Variants in COL1A1 observed in about 807,000 individuals in gnomAD.
The protein encoded by COL1A1 is collagen type I alpha 1 chain, also known as collagen alpha-1(I) chain.
In COL1A1, 21 loss-of-function variants were observed where a neutral mutation model predicts 195.7. The observed-to-expected ratio is 0.11, with a 90% CI of 0.08 to 0.15. The LOEUF (loss-of-function observed/expected upper bound fraction) is 0.15, where lower values mean the gene tolerates loss of function less well. Ranked by LOEUF, COL1A1 falls within the 10% of genes least tolerant of loss-of-function variation. COL1A1 has a pLI of 1.00. For missense variants in COL1A1, 1,365 were observed against 2,051.0 expected (o/e 0.67, Z 6.46); for synonymous variants, 749 against 747.3 (o/e 1.00, Z -0.04).
Position 50,189,186 on chromosome 17 carries a change from A to T in COL1A1, c.2919T>A (p.Pro973=). ...LPGQRGERGF[P]GLPGPSGEPG... ...CACTTACAGAGGGGCCAGGAAGACC[A>T]GGGAAGCCTCTCTCTCCTCTCTGAC... Residue 973 remains proline, a synonymous_variant, in exon 40 of 51, where the codon CCT becomes CCA. Transcript: ENST00000225964. The surrounding 1 kb of genome is among the most constrained non-coding windows in gnomAD (Gnocchi z 5.5). 1.2e-6 allele frequency: 2 copies of T among 1,613,184 alleles called. No homozygotes were observed. The highest frequency in any genetic ancestry group is 1.7e-6 in the Non-Finnish European group (2 of 1,179,660).
At position 50,192,827 on chromosome 17, in the gene COL1A1, C is replaced by A. The variant is rs769791947; in HGVS notation, c.1845G>T (p.Glu615Asp). ...GGCCAGGGGGTCCCTGAGCTCCAGC[C>A]TCTCCATCTTTGCCAGCAGGACCCT... Reference protein sequence around the residue: ...GAVGPAGKDGEAGAQGPPGPA... With the variant: ...GAVGPAGKDGDAGAQGPPGPA... The change falls in exon 27 of 51, where the codon GAG (glutamate) becomes GAT (aspartate). Residue 615 changes from glutamate to aspartate, a missense_variant. Glu to Asp is a conservative substitution (Grantham distance 45). Transcript: ENST00000225964. 25 of 1,614,062 alleles carry A rather than the reference C, an allele frequency of 1.5e-5. No homozygotes were observed. Among genetic ancestry groups the A allele is most frequent in the Non-Finnish European group, 2.1e-5 (25 of 1,180,016 alleles).
In COL1A1 at chr17:50,188,511, C is replaced by G; in HGVS notation, c.3207+19G>C. ...CCCTGGCCTGACCAGGTACAGGGAA[C>G]TGGAGCCCAGCTACTTACAGTCTCA... is the stretch of plus-strand genomic sequence containing the variant. On this transcript the variant is annotated intron_variant, in intron 43 of 50. Transcript: ENST00000225964. This position sits in a 1 kb window ranked among gnomAD's most constrained non-coding sequence, Gnocchi z 5.6. 6.2e-7 allele frequency: 1 copy of G among 1,612,100 alleles called. No individual in the cohort carries two copies. The highest frequency in any genetic ancestry group is 8.5e-7 in the Non-Finnish European group (1 of 1,178,298).
At chr17:50,187,256 G>A (rs1906637006) in intron 46 of COL1A1, 134 bp from the exon 47 acceptor site, 1 of 873,048 alleles carries the variant, frequency 1.1e-6, no homozygotes, top group Non-Finnish European at 1.8e-6. Flanking sequence ...TCTTTCCATA[G>A]GACATGCCAT....
chr17:50,187,637 C>T (rs1341441095), intron 45 of COL1A1, 100 bp from the exon 46 acceptor site: 1 of 1,302,888 alleles, frequency 7.7e-7, no homozygotes, highest in African/African-American at 1.5e-5. Context: ...AACCCATGCC[C>T]CTTCATTATT....
At position 50,188,427 on chromosome 17, in the gene COL1A1, C is replaced by A; in HGVS notation, c.3207+103G>T. The A allele has an allele frequency of 8.4e-7, 1 of 1,186,052 alleles. No homozygotes were observed. Among genetic ancestry groups the A allele is most frequent in the South Asian group, 1.2e-5 (1 of 80,870 alleles). 73.5% of individuals were successfully genotyped at this position (1,186,052 alleles called of 1,614,324 possible). On this transcript the variant is annotated intron_variant, in intron 43 of 50. Coordinates refer to ENST00000225964, the MANE Select transcript of COL1A1 (RefSeq NM_000088.4). This position sits in a 1 kb window ranked among gnomAD's most constrained non-coding sequence, Gnocchi z 5.6. ...GACATCTTGCAGGATCTCCTTTCCT[C>A]CCCCTGCCTGGGTGAAGTCCGACAC... is the stretch of plus-strand genomic sequence containing the variant.
At position 50,186,408 on chromosome 17, in the gene COL1A1, G is replaced by T. The variant is rs201746814; in HGVS notation, c.3914C>A (p.Pro1305His). The T allele has an allele frequency of 4.3e-6, 7 of 1,614,034 alleles. No homozygotes were observed. The highest frequency in any genetic ancestry group is 5.9e-6 in the Non-Finnish European group (7 of 1,180,038). Reference protein sequence around the residue: ...TGETCVYPTQPSVAQKNWYIS... With the variant: ...TGETCVYPTQHSVAQKNWYIS... ...GTACCAGTTCTTCTGGGCCACACTGGGCTGAGTGGGGTACACGCAGGTCTC... is the reference window on the plus strand; with the variant it reads ...GTACCAGTTCTTCTGGGCCACACTGTGCTGAGTGGGGTACACGCAGGTCTC... Residue 1305 changes from proline to histidine, a missense_variant, in exon 49 of 51, where the codon CCC becomes CAC. Transcript: ENST00000225964. This position sits in a 1 kb window ranked among gnomAD's most constrained non-coding sequence, Gnocchi z 5.3.
intron 6 of COL1A1, 83 bp downstream of exon 6, chr17:50,198,350 G>A: frequency 6.4e-7 from 1 of 1,553,568 alleles, no homozygotes; most frequent in South Asian, 1.1e-5. Flanking sequence ...GACCTCCCAA[G>A]CTGTCTATAC....
chr17:50,188,753 G>T lies in COL1A1; in HGVS notation c.3088C>A (p.Pro1030Thr). Residue 1030 changes from proline (P) to threonine (T), a missense_variant, in exon 42 of 51, where the codon CCT (proline) becomes ACT (threonine). Pro to Thr is a conservative substitution (Grantham distance 38). This residue lies in a region of COL1A1 where 671 missense variants were observed against 1,099.9 expected (regional missense o/e 0.61). Transcript: ENST00000225964. The surrounding 1 kb of genome is among the most constrained non-coding windows in gnomAD (Gnocchi z 5.6). ...AEGSPGRDGS[P>T]GAKGDRGETG... ...TGTTGCCATCTTACCTTGGCGCCAG[G>T]AGAACCGTCTCGTCCAGGGGAACCT... is the stretch of plus-strand genomic sequence containing the variant. 1 of 1,614,078 alleles carries T rather than the reference G, an allele frequency of 6.2e-7. No homozygotes were observed. The highest frequency in any genetic ancestry group is 1.1e-5 in the South Asian group (1 of 91,076).
intron 25 of COL1A1, chr17:50,193,462 A>ATTTT (rs1203480432): frequency 7.7e-6 from 2 of 259,868 alleles, no homozygotes; most frequent in East Asian, 1.7e-4. Context: ...GAAGTGTTTC[A>ATTTT]TTTTTTCTTT....
rs1489277454 is a variant in COL1A1, at chr17:50,199,463, T to C, written c.334-10A>G. On this transcript the variant is annotated splice_polypyrimidine_tract_variant and intron_variant, in intron 3 of 50. Coordinates refer to ENST00000225964, the MANE Select transcript of COL1A1 (RefSeq NM_000088.4). Reference sequence around the variant, plus strand: ...TGTCTCCCTTGGGTCCCTGTGGGATTGGGGGAGAAGAAACAAGAGGCCAGG... The same window carrying C: ...TGTCTCCCTTGGGTCCCTGTGGGATCGGGGGAGAAGAAACAAGAGGCCAGG... 6.2e-7 allele frequency: 1 copy of C among 1,613,916 alleles called. No homozygotes were observed. Among genetic ancestry groups the C allele is most frequent in the Non-Finnish European group, 8.5e-7 (1 of 1,179,972 alleles).
In COL1A1 at chr17:50,190,212, A is replaced by G; in HGVS notation, c.2452-104T>C. ...GCAGGAAGATGCTTGGGTGGGAAACAATCCCGTCTCCACCCTTCTCCCCTG... is the reference window on the plus strand; with the variant it reads ...GCAGGAAGATGCTTGGGTGGGAAACGATCCCGTCTCCACCCTTCTCCCCTG... On this transcript the variant is annotated intron_variant, in intron 35 of 50. Transcript: ENST00000225964. This position sits in a 1 kb window ranked among gnomAD's most constrained non-coding sequence, Gnocchi z 4.7. 1 of 1,280,436 alleles carries G rather than the reference A, an allele frequency of 7.8e-7. No individual in the cohort carries two copies. Among genetic ancestry groups the G allele is most frequent in the Non-Finnish European group, 1.1e-6 (1 of 877,218 alleles). 79.3% of individuals were successfully genotyped at this position (1,280,436 alleles called of 1,614,324 possible). A position where few individuals can be genotyped will look rare whatever the true frequency, so the allele number is the denominator to read the frequency against.
At chr17:50,187,233 G>C in intron 46 of COL1A1, 111 bp from the exon 47 acceptor site, 1 of 948,496 alleles carries the variant, frequency 1.1e-6, no homozygotes, top group Non-Finnish European at 1.6e-6. Flanking sequence ...GGCTCATAGA[G>C]CCAGCCTCAG....
rs1332484110 is a variant in COL1A1 at position 50,185,948 on chromosome 17, T to C, written c.4078A>G (p.Thr1360Ala). The change falls in exon 50 of 51, where the codon ACC becomes GCC. Residue 1360 changes from threonine to alanine, a missense_variant. Transcript: ENST00000225964. ...IQLTFLRLMSTEASQNITYHC... is the reference protein window; with the variant it reads ...IQLTFLRLMSAEASQNITYHC... The stretch of plus-strand genomic sequence containing the variant: ...TAGGTGATGTTCTGGGAGGCCTCGG[T>C]GGACATCAGGCGCAGGAAGGTCAGC... The C allele has an allele frequency of 2.5e-6, 4 of 1,613,880 alleles. No homozygotes were observed. The highest frequency in any genetic ancestry group is 1.7e-5 in the Admixed American group (1 of 60,008).
intron 5 of COL1A1, 106 bp downstream of exon 5, chr17:50,199,120 A>G: frequency 7.5e-7 from 1 of 1,338,826 alleles, no homozygotes; most frequent in Admixed American, 3.1e-5. Flanking sequence ...GGATTCTTGC[A>G]ACTTTTCTGT....
chr17:50,188,825 T>A lies in COL1A1; in HGVS notation c.3046-30A>T. On this transcript the variant is annotated intron_variant, in intron 41 of 50. Transcript: ENST00000225964. The surrounding 1 kb of genome is among the most constrained non-coding windows in gnomAD (Gnocchi z 5.6). ...AGAGAGAGAGAGAGAGAAGTGAGAGTCAGCCGGGGAAGAGGGCTTAGGCAA... is the reference window on the plus strand; with the variant it reads ...AGAGAGAGAGAGAGAGAAGTGAGAGACAGCCGGGGAAGAGGGCTTAGGCAA... 3.8e-6 allele frequency: 6 copies of A among 1,593,558 alleles called. No individual in the cohort carries two copies. Among genetic ancestry groups the A allele is most frequent in the Non-Finnish European group, 5.2e-6 (6 of 1,162,658 alleles).
chr17:50,189,868 A>G lies in COL1A1; in HGVS notation c.2604T>C (p.Ala868=). 1.2e-6 allele frequency: 2 copies of G among 1,608,210 alleles called. No individual in the cohort carries two copies. The highest frequency in any genetic ancestry group is 1.7e-5 in the Admixed American group (1 of 58,974). ...GGCGGGTGATACTCACAGGGGGACC[A>G]GCGCTGCCGCGAGCACCTTTGGCTC... ...APGAKGARGS[A]GPPGATGFPG... is the part of the protein sequence containing the mutation. Residue 868 remains alanine, a synonymous_variant, in exon 37 of 51, where the codon GCT becomes GCC. Transcript: ENST00000225964. The surrounding 1 kb of genome is among the most constrained non-coding windows in gnomAD (Gnocchi z 5.5).
At chr17:50,197,369 T>C in intron 9 of COL1A1, 136 bp from the exon 10 acceptor site, 1 of 861,854 alleles carries the variant, frequency 1.2e-6, no homozygotes, top group South Asian at 1.5e-5. Context: ...TCTTTGAATC[T>C]AGAGCTCAGT....
Position 50,194,736 on chromosome 17 carries a change from T to C in COL1A1, c.1446A>G (p.Gly482=). ...GGACACTTACACGCTCGCCAGGGGG[T>C]CCGGGCAGGCCAGTGGGTCCGGGTT... ...RGEPGPTGLP[G]PPGERGGPGS... Residue 482 remains glycine, a synonymous_variant, in exon 21 of 51, where the codon GGA becomes GGG. Coordinates refer to ENST00000225964, the MANE Select transcript of COL1A1 (RefSeq NM_000088.4). This position sits in a 1 kb window ranked among gnomAD's most constrained non-coding sequence, Gnocchi z 6.8. 1 of 1,568,430 alleles carries C rather than the reference T, an allele frequency of 6.4e-7. No homozygotes were observed. The highest frequency in any genetic ancestry group is 8.6e-7 in the Non-Finnish European group (1 of 1,156,416).
chr17:50,200,032 T>G (rs761511784), intron 1 of COL1A1, 85 bp from the exon 2 acceptor site: 1 of 1,447,188 alleles, frequency 6.9e-7, no homozygotes, highest in South Asian at 1.1e-5. Flanking sequence ...AGAGGCACAC[T>G]TGGATTTTTC....
Sources: gnomAD v4.1 joint callset for allele counts on GRCh38, gnomAD v4.1.1 for gene constraint, gnomAD v4.1.1 regional missense constraint, Gnocchi (gnomAD v3.1) non-coding constraint, MANE v1.5 for transcripts, NCBI Gene and HGNC (gene_info 2026-07-23, HGNC 2026-07-21) for gene names.